PCDHA11: variants seen among roughly 807,000 people sequenced by gnomAD.
PCDHA11 encodes the protein protocadherin alpha-11.
PCDHA11 carries 61 observed loss-of-function variants against 70.3 expected under a neutral mutation model. The ratio of observed to expected loss-of-function variants is 0.87; its 90% CI spans 0.71 to 1.07. The LOEUF (loss-of-function observed/expected upper bound fraction) is 1.07, where lower values mean the gene tolerates loss of function less well. PCDHA11 is among the 50% of genes least tolerant of loss of function. The pLI, the probability that PCDHA11 is intolerant of heterozygous loss-of-function variation, is 0.00. For synonymous variants in PCDHA11, 633 were observed against 555.1 expected (o/e 1.14, Z -1.97); for missense variants, 1,324 against 1,237.5 (o/e 1.07, Z -1.05).
intron 1 of PCDHA11, among the ~76,000 whole-genome samples, chr5:140,946,167 T>C (rs2153672434): frequency 6.6e-6 from 1 of 151,842 alleles, no homozygotes; most frequent in South Asian, 2.1e-4. Context: ...AAAAGATGGG[T>C]AAAGGATGTG....
chr5:140,965,260 G>A (rs1188138728), intron 1 of PCDHA11, among the ~76,000 whole-genome samples: 1 of 152,202 alleles, frequency 6.6e-6, no homozygotes, highest in Non-Finnish European at 1.5e-5. Context: ...GAACTGAGCA[G>A]CAGAGGCAAT....
chr5:140,968,488 C>A, intron 1 of PCDHA11: 1 of 1,614,148 alleles, frequency 6.2e-7, no homozygotes, highest in South Asian at 1.1e-5. Context: ...ACATGAATGA[C>A]CATGCCCCTC....
chr5:140,875,946 T>C, intron 1 of PCDHA11: 1 of 1,614,222 alleles, frequency 6.2e-7, no homozygotes, highest in Admixed American at 1.7e-5. Context: ...AGGGCGCTTC[T>C]GATGCGGATA....
At chr5:140,884,357 A>G (rs1562803365) in intron 1 of PCDHA11, 1 of 1,613,864 alleles carries the variant, frequency 6.2e-7, no homozygotes, top group Non-Finnish European at 8.5e-7. Flanking sequence ...GGTGGATGTC[A>G]ATGTTTACTT....
chr5:140,923,209 G>C (rs1454479273), intron 1 of PCDHA11, among the ~76,000 whole-genome samples: 3 of 150,998 alleles, frequency 2.0e-5, no homozygotes, highest in Non-Finnish European at 4.4e-5. Flanking sequence ...GGAGGCTAAG[G>C]TGAAAGGATC....
intron 1 of PCDHA11, chr5:140,881,365 T>A (rs1216010175): frequency 1.0e-6 from 1 of 985,144 alleles, no homozygotes; most frequent in Non-Finnish European, 1.2e-6. Flanking sequence ...GGCTTTCGTA[T>A]GAATTGCAGC....
chr5:140,978,656 G>A (rs2096815434), intron 1 of PCDHA11, among the ~76,000 whole-genome samples: 1 of 152,248 alleles, frequency 6.6e-6, no homozygotes, highest in African/African-American at 2.4e-5. Flanking sequence ...TCTTCCCGTA[G>A]TGTTTTAAGA....
Position 140,949,482 on chromosome 5 carries a change from A to G in PCDHA11, c.2392-29467A>G, listed in dbSNP as rs1435722195. Among the ~76,000 whole-genome samples, 4 of 151,834 alleles carry G rather than the reference A, an allele frequency of 2.6e-5. No homozygotes were observed. The South Asian group carries it at 8.3e-4, about 31-fold the overall frequency. ...TGAAGCCCTGTTATTAGGCACACACATTGATGATTATTATAATTTCCTGAT... is the reference window on the plus strand; with the variant it reads ...TGAAGCCCTGTTATTAGGCACACACGTTGATGATTATTATAATTTCCTGAT... On this transcript the variant is annotated intron_variant, in intron 1 of 3. Transcript: ENST00000398640.
chr5:140,972,766 T>G (rs2096555102), intron 1 of PCDHA11, among the ~76,000 whole-genome samples: 1 of 149,250 alleles, frequency 6.7e-6, no homozygotes, highest in African/African-American at 2.5e-5. Flanking sequence ...CAAGTTAAAG[T>G]GATTCTTCTG....
Position 140,869,313 on chromosome 5 carries a change from A to T in PCDHA11, c.210A>T (p.Thr70=). ...VQRLFRVASK[T]HGDLLEVNLQ... is the part of the protein sequence containing the mutation. The stretch of plus-strand genomic sequence containing the variant: ...GCCTGTTCCGGGTGGCGTCCAAAAC[A>T]CATGGGGACCTTCTGGAGGTAAATC... Residue 70 remains threonine, a synonymous_variant, in exon 1 of 4, where the codon ACA becomes ACT. Coordinates refer to ENST00000398640, the MANE Select transcript of PCDHA11 (RefSeq NM_018902.5). The T allele has an allele frequency of 6.2e-7, 1 of 1,613,736 alleles. No homozygotes were observed.
chr5:140,997,668 T>TTGTGTGTGTGTGTGTG (rs35184029), intron 3 of PCDHA11, among the ~76,000 whole-genome samples: 13 of 148,244 alleles, frequency 8.8e-5, no homozygotes, highest in African/African-American at 2.2e-4. Flanking sequence ...ATTATACAGC[T>TTGTGTGTGTGTGTGTG]TGTGTGTGTG....
At position 141,003,207 on chromosome 5, in the gene PCDHA11, T is replaced by C. The variant is rs141066841; in HGVS notation, c.2540-6420T>C. On this transcript the variant is annotated intron_variant, in intron 3 of 3. Coordinates refer to ENST00000398640, the MANE Select transcript of PCDHA11 (RefSeq NM_018902.5). Reference sequence around the variant, plus strand: ...CATCAACTCAGGCAGCCAGGGTTAGTTTAGCATGAAAGAGGAAAGCTGGAA... The same window carrying C: ...CATCAACTCAGGCAGCCAGGGTTAGCTTAGCATGAAAGAGGAAAGCTGGAA... Among the ~76,000 whole-genome samples the C allele has an allele frequency of 6.3e-3, 959 of 152,338 alleles. 16 individuals carry two copies. The highest frequency in any genetic ancestry group is 0.021 in the African/African-American group (892 of 41,582).
chr5:140,913,099 C>T (rs1413383908), intron 1 of PCDHA11, among the ~76,000 whole-genome samples: 4 of 152,132 alleles, frequency 2.6e-5, no homozygotes, highest in Non-Finnish European at 4.4e-5. Context: ...ATACTGGCCT[C>T]ATAGAATCAG....
intron 1 of PCDHA11, chr5:140,928,053 G>C: frequency 6.2e-7 from 1 of 1,614,212 alleles, no homozygotes; most frequent in Non-Finnish European, 8.5e-7. Context: ...CTTTTCAGCT[G>C]ACGGCTTCCT....
At position 140,882,742 on chromosome 5, in the gene PCDHA11, C is replaced by G. The variant is rs372229324; in HGVS notation, c.2391+11248C>G. Reference sequence around the variant, plus strand: ...CTCGATTTCCACTAGATGGCGCATCCGATGCAGATATTGGAGTAAACTCGG... The same window carrying G: ...CTCGATTTCCACTAGATGGCGCATCGGATGCAGATATTGGAGTAAACTCGG... On this transcript the variant is annotated intron_variant, in intron 1 of 3. Coordinates refer to ENST00000398640, the MANE Select transcript of PCDHA11 (RefSeq NM_018902.5). 126 of 1,614,092 alleles carry G rather than the reference C, an allele frequency of 7.8e-5. 1 individual carries two copies. The Middle Eastern group carries it at 1.6e-3, about 21-fold the overall frequency.
intron 1 of PCDHA11, chr5:140,876,573 C>G: frequency 1.9e-6 from 3 of 1,614,152 alleles, no homozygotes; most frequent in African/African-American, 1.3e-5. Flanking sequence ...AGGTGGGTAC[C>G]GTCATTGCCC....
At chr5:140,895,080 C>T (rs537991545) in intron 1 of PCDHA11, among the ~76,000 whole-genome samples, 11 of 152,246 alleles carry the variant, frequency 7.2e-5, no homozygotes, top group Admixed American at 1.3e-4. Context: ...CTATCAGTTC[C>T]TCCTCAGTAT....
At chr5:140,967,921 C>A (rs781932025) in intron 1 of PCDHA11, 3 of 1,614,172 alleles carry the variant, frequency 1.9e-6, no homozygotes, top group Middle Eastern at 3.3e-4. Context: ...CCATTGTGGC[C>A]GTTCTCAGTG....
chr5:140,993,408 A>G (rs985721464), intron 3 of PCDHA11, among the ~76,000 whole-genome samples: 1 of 150,930 alleles, frequency 6.6e-6, no homozygotes, highest in African/African-American at 2.4e-5. Flanking sequence ...AACCACCTTC[A>G]TCAGCATTTC....
Sources: allele counts gnomAD v4.1 joint callset (sites outside exome capture counted in the v4.1 genomes callset), GRCh38; gene constraint gnomAD v4.1.1; transcripts MANE v1.5; gene names NCBI Gene and HGNC (gene_info 2026-07-23, HGNC 2026-07-21).